Variants in SRPK2 observed in about 807,000 individuals in gnomAD.
SRPK2 encodes the protein SFRS protein kinase 2.
Under a neutral mutation model 90.8 loss-of-function variants are expected in SRPK2, and 21 were observed. The observed-to-expected ratio is 0.23, with a 90% CI of 0.16 to 0.33. The LOEUF (loss-of-function observed/expected upper bound fraction) is 0.33. Among genes scored for constraint, SRPK2 ranks in the 10% least tolerant of loss-of-function variants. The pLI, the probability that SRPK2 is intolerant of heterozygous loss-of-function variation, is 1.00. For synonymous variants in SRPK2, 288 were observed against 311.1 expected (o/e 0.93, Z 0.78); for missense variants, 620 against 869.0 (o/e 0.71, Z 3.60).
At chr7:105,115,672 G>A (rs2129570482), downstream of SRPK2, among the ~76,000 whole-genome samples, 1 of 152,190 alleles carries the variant, frequency 6.6e-6, no homozygotes, top group South Asian at 2.1e-4. Flanking sequence ...ATTCCTTCTA[G>A]AACAACCGTT....
At chr7:105,236,225 T>C (rs1800121273) in intron 2 of SRPK2, among the ~76,000 whole-genome samples, 1 of 152,234 alleles carries the variant, frequency 6.6e-6, no homozygotes, top group Non-Finnish European at 1.5e-5. Flanking sequence ...GTTGATTTTA[T>C]CTTTCAGGAG....
At chr7:105,275,968 T>C (rs947154018) in intron 2 of SRPK2, among the ~76,000 whole-genome samples, 4 of 152,208 alleles carry the variant, frequency 2.6e-5, no homozygotes, top group Admixed American at 2.6e-4. Flanking sequence ...TACATCCTTT[T>C]TCAATGGGAA....
At chr7:105,326,559 T>C (rs1813619591) in intron 2 of SRPK2, among the ~76,000 whole-genome samples, 1 of 152,168 alleles carries the variant, frequency 6.6e-6, no homozygotes, top group Non-Finnish European at 1.5e-5. Context: ...AATTATGCCA[T>C]TCAAGTCCCT....
chr7:105,251,510 A>AT (rs954303061), intron 2 of SRPK2, among the ~76,000 whole-genome samples: 2 of 152,092 alleles, frequency 1.3e-5, no homozygotes, highest in Non-Finnish European at 2.9e-5. Flanking sequence ...TGCCACAAGC[A>AT]TTTTTTATGA....
chr7:105,175,139 C>CAAA (rs377120080), intron 3 of SRPK2, among the ~76,000 whole-genome samples: 27 of 115,896 alleles, frequency 2.3e-4, no homozygotes, highest in Non-Finnish European at 7.4e-5. Context: ...AACTCCGTTT[C>CAAA]AAAAAAAAAA....
intron 2 of SRPK2, among the ~76,000 whole-genome samples, chr7:105,357,357 A>T (rs1027078285): frequency 2.6e-5 from 4 of 152,154 alleles, no homozygotes; most frequent in Non-Finnish European, 4.4e-5. Flanking sequence ...CTAATTTTTT[A>T]AAAAACTGCT....
chr7:105,145,608 A>G (rs930017049), intron 8 of SRPK2, among the ~76,000 whole-genome samples: 4 of 152,366 alleles, frequency 2.6e-5, no homozygotes, highest in African/African-American at 9.6e-5. Context: ...CAGATCACTT[A>G]AGAAAATGGA....
intron 2 of SRPK2, among the ~76,000 whole-genome samples, chr7:105,247,049 T>C (rs1321842469): frequency 2.6e-5 from 4 of 152,138 alleles, no homozygotes; most frequent in African/African-American, 4.8e-5. Context: ...CAGTCTTCTG[T>C]AGAGAAAACT....
At chr7:105,374,758 C>T (rs1325373003) in intron 2 of SRPK2, among the ~76,000 whole-genome samples, 1 of 151,860 alleles carries the variant, frequency 6.6e-6, no homozygotes, top group Non-Finnish European at 1.5e-5. Context: ...TACAGGCGCC[C>T]GCCACCACGC....
chr7:105,230,013 A>G (rs1283588889), intron 2 of SRPK2, among the ~76,000 whole-genome samples: 4 of 152,234 alleles, frequency 2.6e-5, no homozygotes, highest in Non-Finnish European at 4.4e-5. Context: ...GGTAGATTTT[A>G]GCCAGCAGTG....
chr7:105,338,450 T>C (rs1815373188), intron 2 of SRPK2, among the ~76,000 whole-genome samples: 1 of 152,138 alleles, frequency 6.6e-6, no homozygotes, highest in African/African-American at 2.4e-5. Flanking sequence ...TTTCACTATC[T>C]TGGCCACACT....
chr7:105,351,155 G>A (rs577771924), intron 2 of SRPK2, among the ~76,000 whole-genome samples: 2 of 151,922 alleles, frequency 1.3e-5, no homozygotes, highest in Non-Finnish European at 2.9e-5. Flanking sequence ...CTGGGAGTGC[G>A]ACTGGTGGCT....
chr7:105,380,102 C>T (rs1033193897), intron 2 of SRPK2, among the ~76,000 whole-genome samples: 1 of 152,160 alleles, frequency 6.6e-6, no homozygotes, highest in Non-Finnish European at 1.5e-5. Context: ...AAAGCAAGAT[C>T]CTATCTCTAA....
intron 2 of SRPK2, among the ~76,000 whole-genome samples, chr7:105,316,607 C>T (rs1373106639): frequency 6.6e-6 from 1 of 152,150 alleles, no homozygotes; most frequent in East Asian, 1.9e-4. Context: ...GTTTCCATGA[C>T]CATCTTTCTA....
At chr7:105,341,577 G>A (rs1010927772) in intron 2 of SRPK2, among the ~76,000 whole-genome samples, 2 of 152,056 alleles carry the variant, frequency 1.3e-5, no homozygotes, top group Non-Finnish European at 1.5e-5. Flanking sequence ...GGAAGCTGAG[G>A]CACAAGAATC....
intron 11 of SRPK2, among the ~76,000 whole-genome samples, chr7:105,135,955 G>A (rs956761224): frequency 1.3e-5 from 2 of 152,032 alleles, no homozygotes; most frequent in African/African-American, 4.8e-5. Flanking sequence ...AGTAGAGACG[G>A]GGTTTCACCA....
Position 105,142,200 on chromosome 7 carries a change from T to C in SRPK2, c.1351A>G (p.Asn451Asp). The stretch of plus-strand genomic sequence containing the variant: ...GACTCGGGAATTTTATGTCGTCCAT[T>C]TGGCAATTCACCATTGAATTGTTCA... ...SYEQFNGELP[N>D]GRHKIPESQF... The change falls in exon 11 of 16, where the codon AAT (asparagine) becomes GAT (aspartate). Residue 451 changes from asparagine to aspartate, a missense_variant. Coordinates refer to ENST00000393651, the MANE Select transcript of SRPK2 (RefSeq NM_182692.3). The C allele has an allele frequency of 1.2e-6, 2 of 1,614,074 alleles. No individual in the cohort carries two copies. The highest frequency in any genetic ancestry group is 2.2e-5 in the East Asian group (1 of 44,886).
At chr7:105,326,182 C>T (rs1813566684) in intron 2 of SRPK2, among the ~76,000 whole-genome samples, 1 of 152,190 alleles carries the variant, frequency 6.6e-6, no homozygotes, top group Admixed American at 6.6e-5. Context: ...ATCTGACCAC[C>T]TCATCTCCTC....
intron 2 of SRPK2, among the ~76,000 whole-genome samples, chr7:105,346,027 ACTT>A (rs142575341): frequency 0.019 from 2,957 of 152,242 alleles, 100 homozygotes; most frequent in African/African-American, 0.066. Flanking sequence ...ATGAAACTTA[ACTT>A]CTTTCTTTTA....
Sources: allele counts gnomAD v4.1 joint callset (sites outside exome capture counted in the v4.1 genomes callset), GRCh38; gene constraint gnomAD v4.1.1; transcripts MANE v1.5; gene names NCBI Gene and HGNC (gene_info 2026-07-23, HGNC 2026-07-21).